The following FGL1 variants were observed in gnomAD, a reference collection of about 807,000 sequenced individuals.
FGL1 encodes the protein fibrinogen like 1.
FGL1 carries 59 observed loss-of-function variants against 43.7 expected under a neutral mutation model. The ratio of observed to expected loss-of-function variants is 1.35; its 90% CI spans 1.10 to 1.68. The LOEUF (loss-of-function observed/expected upper bound fraction) is 1.68. Ranked by LOEUF, FGL1 falls within the 40% of genes most tolerant of loss-of-function variation. The pLI, the probability that FGL1 is intolerant of heterozygous loss-of-function variation, is 0.00. For missense variants in FGL1, 596 were observed against 373.0 expected, an observed-to-expected ratio of 1.60 and a Z score of -4.92; for synonymous variants, 192 against 126.5, an observed-to-expected ratio of 1.52 and a Z score of -3.48.
intron 3 of FGL1, among the ~76,000 whole-genome samples, chr8:17,875,535 CTCTTTCTTTCTTTCTTTCTTTCTTTCTT>C (rs1314798071): frequency 7.9e-5 from 2 of 25,448 alleles, no homozygotes; most frequent in African/African-American, 2.9e-4. Flanking sequence ...TTCTTTCTTT[CTCTTTCTTTCTTTCTTTCTTTCTTTCTT>C]TCTTTCTTTC....
chr8:17,889,877 T>C (rs369188143), intron 1 of FGL1, among the ~76,000 whole-genome samples: 1 of 152,234 alleles, frequency 6.6e-6, no homozygotes, highest in Admixed American at 6.5e-5. Flanking sequence ...TTGAAAATCA[T>C]TATAACCATT....
At chr8:17,877,936 G>A (rs2053480724) in intron 3 of FGL1, among the ~76,000 whole-genome samples, 1 of 152,094 alleles carries the variant, frequency 6.6e-6, no homozygotes, top group Non-Finnish European at 1.5e-5. Flanking sequence ...TTTGCTCTAC[G>A]ATGTTAAATA....
At chr8:17,875,612 T>C (rs1215236508) in intron 3 of FGL1, among the ~76,000 whole-genome samples, 1 of 148,902 alleles carries the variant, frequency 6.7e-6, no homozygotes. Context: ...TTTCTTTCTT[T>C]CTTTTCCTTT....
Position 17,874,077 on chromosome 8 carries a change from G to A in FGL1, c.444C>T (p.Val148=), listed in dbSNP as rs779027445. ...KDYENGFGNF[V]QKHGEYWLGN... ...CCAGCCAATATTCACCATGTTTTTGGACAAAATTTCCAAAGCCATTTTCAT... is the reference window on the plus strand; with the variant it reads ...CCAGCCAATATTCACCATGTTTTTGAACAAAATTTCCAAAGCCATTTTCAT... The change falls in exon 5 of 8, where the codon GTC becomes GTT. Residue 148 remains valine (V), a synonymous_variant. Coordinates refer to ENST00000427924, the MANE Select transcript of FGL1 (RefSeq NM_004467.4). 7.5e-6 allele frequency: 12 copies of A among 1,610,618 alleles called. No individual in the cohort carries two copies. Among genetic ancestry groups the A allele is most frequent in the Non-Finnish European group, 8.5e-6 (10 of 1,179,062 alleles).
chr8:17,876,408 G>T (rs967885380), intron 3 of FGL1, among the ~76,000 whole-genome samples: 1 of 152,018 alleles, frequency 6.6e-6, no homozygotes, highest in Non-Finnish European at 1.5e-5. Context: ...CACATGGTTG[G>T]GACCAACCAT....
At position 17,865,702 on chromosome 8, in the gene FGL1, T is replaced by C. The variant is rs142315145; in HGVS notation, c.780-951A>G. 3.2e-3 allele frequency among the ~76,000 whole-genome samples: 488 copies of C among 152,348 alleles called. 1 individual carries two copies. The highest frequency in any genetic ancestry group is 0.011 in the African/African-American group (474 of 41,582). Reference sequence around the variant, plus strand: ...GTATGCAATAAGTTTATGTGTGTTGTTATGAAATTAATTGCCATATACTTC... The same window carrying C: ...GTATGCAATAAGTTTATGTGTGTTGCTATGAAATTAATTGCCATATACTTC... On this transcript the variant is annotated intron_variant, in intron 7 of 7. Coordinates refer to ENST00000427924, the MANE Select transcript of FGL1 (RefSeq NM_004467.4).
chr8:17,873,492 G>C (rs1000171537), intron 5 of FGL1, among the ~76,000 whole-genome samples: 4 of 152,062 alleles, frequency 2.6e-5, no homozygotes, highest in African/African-American at 9.7e-5. Context: ...CTGCAGATTT[G>C]TGAGAAGTAA....
chr8:17,883,259 TATATA>T (rs1279147798), intron 2 of FGL1, among the ~76,000 whole-genome samples: 1 of 93,374 alleles, frequency 1.1e-5, no homozygotes, highest in Non-Finnish European at 1.8e-5. Flanking sequence ...ATATATATCA[TATATA>T]ATATATTAAA....
chr8:17,892,645 T>C lies in FGL1; in HGVS notation c.-18+2802A>G, dbSNP rs2053721046. Among the ~76,000 whole-genome samples, 3 of 152,326 alleles carry C rather than the reference T, an allele frequency of 2.0e-5. No individual in the cohort carries two copies. In the South Asian group the frequency reaches 6.2e-4, roughly 32 times the overall value. On this transcript the variant is annotated intron_variant, in intron 1 of 7. Transcript: ENST00000427924. ...ATTTAATAGATTACTGATTAGGATTTTTCCTTGATAAATGAAACTGCTAAG... is the reference window on the plus strand; with the variant it reads ...ATTTAATAGATTACTGATTAGGATTCTTCCTTGATAAATGAAACTGCTAAG...
chr8:17,889,411 G>A (rs556025465), intron 1 of FGL1, among the ~76,000 whole-genome samples: 1 of 152,202 alleles, frequency 6.6e-6, no homozygotes, highest in Admixed American at 6.5e-5. Context: ...TTAGCCAGGT[G>A]TGGTGGTGCA....
chr8:17,881,084 A>G (rs2053527360), intron 3 of FGL1, among the ~76,000 whole-genome samples: 1 of 152,102 alleles, frequency 6.6e-6, no homozygotes, highest in Admixed American at 6.6e-5. Flanking sequence ...AAGATACACA[A>G]ACACAAAGCT....
intron 3 of FGL1, among the ~76,000 whole-genome samples, chr8:17,880,008 T>C (rs145511229): frequency 2.6e-5 from 4 of 152,314 alleles, no homozygotes; most frequent in African/African-American, 7.2e-5. Context: ...AGATCAGCTT[T>C]GTATGTTCTT....
chr8:17,869,943 A>C (rs2053332456), intron 5 of FGL1, among the ~76,000 whole-genome samples: 1 of 152,072 alleles, frequency 6.6e-6, no homozygotes, highest in African/African-American at 2.4e-5. Flanking sequence ...CCCCGTCTCT[A>C]CTAAAAAATA....
At chr8:17,883,917 C>A (rs966653926) in intron 2 of FGL1, among the ~76,000 whole-genome samples, 1 of 147,948 alleles carries the variant, frequency 6.8e-6, no homozygotes, top group Non-Finnish European at 1.5e-5. Flanking sequence ...TTCTTTTCCT[C>A]TCTTTCTCCT....
chr8:17,891,591 A>T, intron 1 of FGL1: 1 of 644,110 alleles, frequency 1.6e-6, no homozygotes, highest in Non-Finnish European at 1.9e-6. Flanking sequence ...AATAAAAGTT[A>T]GGAATGTACA....
chr8:17,881,501 T>G (rs781356594), intron 3 of FGL1, among the ~76,000 whole-genome samples: 18 of 151,674 alleles, frequency 1.2e-4, no homozygotes, highest in Admixed American at 5.9e-4. Context: ...TTCTCAGATA[T>G]TTAGCATTCA....
chr8:17,868,212 T>C (rs1234894934), intron 7 of FGL1: 2 of 165,046 alleles, frequency 1.2e-5, no homozygotes, highest in African/African-American at 4.8e-5. Context: ...ACTAGTTGGT[T>C]ATTAGGATGC....
chr8:17,864,676 C>T lies in FGL1; in HGVS notation c.855G>A (p.Trp285Ter), dbSNP rs2053242738. The stretch of plus-strand genomic sequence containing the variant: ...AATACCACCACCCATGCCAGGTGTA[C>T]CAGACAATCCCATTGTCTGTTTTAG... ...YTAKTDNGIVWYTWHGWWYSL... is the reference protein window; with the variant it reads ...YTAKTDNGIV Residue 285 changes from tryptophan (W) to a stop codon, truncating the protein, a stop_gained, in exon 8 of 8, where the codon TGG becomes TGA. Coordinates refer to ENST00000427924, the MANE Select transcript of FGL1 (RefSeq NM_004467.4). LOFTEE classifies it high-confidence loss of function. 1 of 1,613,296 alleles carries T rather than the reference C, an allele frequency of 6.2e-7. No homozygotes were observed. The highest frequency in any genetic ancestry group is 8.5e-7 in the Non-Finnish European group (1 of 1,179,744).
chr8:17,882,844 T>C (rs867967105), intron 2 of FGL1, among the ~76,000 whole-genome samples: 1 of 115,594 alleles, frequency 8.7e-6, no homozygotes, highest in Middle Eastern at 4.6e-3. Context: ...TTAAATAATA[T>C]ATAATATATA....
Sources: gnomAD v4.1 joint callset for allele counts (sites outside exome capture counted in the v4.1 genomes callset) on GRCh38, gnomAD v4.1.1 for gene constraint, MANE v1.5 for transcripts, NCBI Gene and HGNC (gene_info 2026-07-23, HGNC 2026-07-21) for gene names.